CDH5: variants seen among roughly 807,000 people sequenced by gnomAD.
The protein encoded by CDH5 is cadherin-5.
A neutral mutation model predicts 62.0 loss-of-function variants in CDH5; 28 were observed. That is an observed-to-expected ratio of 0.45 (90% CI 0.33 to 0.62). CDH5 has a LOEUF of 0.62. Among genes scored for constraint, CDH5 ranks in the 20% least tolerant of loss-of-function variants. The pLI, the probability that CDH5 is intolerant of heterozygous loss-of-function variation, is 0.02. For missense variants in CDH5, 940 were observed against 1,065.1 expected (o/e 0.88, Z 1.63); for synonymous variants, 464 against 445.8 (o/e 1.04, Z -0.52).
chr16:66,387,101 C>T lies in CDH5; in HGVS notation c.499+4C>T, dbSNP rs187443582. On this transcript the variant is annotated splice_donor_region_variant and intron_variant, in intron 3 of 11. Transcript: ENST00000341529. ...GTGCCTGAGTCGTCGGCTGTGGGTACGTTGCATGCCCACTCTGTCCTCCTC... is the reference window on the plus strand; with the variant it reads ...GTGCCTGAGTCGTCGGCTGTGGGTATGTTGCATGCCCACTCTGTCCTCCTC... 76 of 1,606,494 alleles carry T rather than the reference C, an allele frequency of 4.7e-5. 1 individual carries two copies. Among genetic ancestry groups the T allele is most frequent in the African/African-American group, 3.2e-4 (24 of 74,946 alleles).
chr16:66,379,081 A>G, intron 1 of CDH5: 1 of 525,248 alleles, frequency 1.9e-6, no homozygotes, highest in South Asian at 3.0e-5. Flanking sequence ...AGGTACAAGG[A>G]AGTGTAGGGA....
chr16:66,385,219 T>A (rs1960963020), intron 2 of CDH5, among the ~76,000 whole-genome samples: 1 of 152,222 alleles, frequency 6.6e-6, no homozygotes, highest in Non-Finnish European at 1.5e-5. Context: ...TTCCTAATAT[T>A]TTCTGTTTCT....
In CDH5 at chr16:66,390,387, G is replaced by T; in HGVS notation, c.782-16G>T. 6.2e-7 allele frequency: 1 copy of T among 1,602,442 alleles called. No individual in the cohort carries two copies. The highest frequency in any genetic ancestry group is 8.5e-7 in the Non-Finnish European group (1 of 1,172,042). ...TCATTAACCCAAAGCCCTTTGGGGT[G>T]CTCTGTTTGCATCAGCCAAGTACAC... On this transcript the variant is annotated splice_polypyrimidine_tract_variant and intron_variant, in intron 5 of 11. Coordinates refer to ENST00000341529, the MANE Select transcript of CDH5 (RefSeq NM_001795.5).
chr16:66,403,604 C>A lies in CDH5; in HGVS notation c.*435C>A. ...TGCCTGGAGGCAAAGGCCTGGACAG[C>A]TTGACTTGTGGGGCAGGATTCTCTG... On this transcript the variant is annotated 3_prime_UTR_variant, in exon 12 of 12. Coordinates refer to ENST00000341529, the MANE Select transcript of CDH5 (RefSeq NM_001795.5). This position sits in a 1 kb window ranked among gnomAD's most constrained non-coding sequence, Gnocchi z 4.3. 1 of 191,166 alleles carries A rather than the reference C, an allele frequency of 5.2e-6. No individual in the cohort carries two copies. The highest frequency in any genetic ancestry group is 1.1e-5 in the Non-Finnish European group (1 of 91,370). 11.8% of individuals were successfully genotyped at this position (191,166 alleles called of 1,614,324 possible).
In CDH5 at chr16:66,386,991, G is replaced by T. The variant is rs916945461; in HGVS notation, c.393G>T (p.Leu131=). 1.9e-6 allele frequency: 3 copies of T among 1,613,994 alleles called. No homozygotes were observed. Among genetic ancestry groups the T allele is most frequent in the Non-Finnish European group, 2.5e-6 (3 of 1,180,008 alleles). The change falls in exon 3 of 12, where the codon CTG becomes CTT. Residue 131 remains leucine, a synonymous_variant. Transcript: ENST00000341529. ...TGGACAAGGACACTGGCGAAAACCTGGAGACTCCTTCCAGCTTCACCATCA... is the reference window on the plus strand; with the variant it reads ...TGGACAAGGACACTGGCGAAAACCTTGAGACTCCTTCCAGCTTCACCATCA... ...VIVDKDTGEN[L]ETPSSFTIKV...
rs747578177 is a variant in CDH5, at chr16:66,389,340, C to T, written c.617-18C>T. On this transcript the variant is annotated intron_variant, in intron 4 of 11. Transcript: ENST00000341529. Reference sequence around the variant, plus strand: ...CTAGAAGCTGGTAACATGGTTCCTGCTGGGAATCTTTTTGCAGGACGTATT... The same window carrying T: ...CTAGAAGCTGGTAACATGGTTCCTGTTGGGAATCTTTTTGCAGGACGTATT... The T allele has an allele frequency of 1.8e-5, 29 of 1,599,812 alleles. No homozygotes were observed. Among genetic ancestry groups the T allele is most frequent in the Non-Finnish European group, 2.4e-5 (28 of 1,169,854 alleles).
chr16:66,384,911 AGCCAAGATCGT>A (rs940895602), intron 2 of CDH5, among the ~76,000 whole-genome samples: 12 of 152,180 alleles, frequency 7.9e-5, no homozygotes, highest in Non-Finnish European at 1.3e-4. Context: ...GGTTGCAGTG[AGCCAAGATCGT>A]GCCACTGCAC....
intron 1 of CDH5, among the ~76,000 whole-genome samples, chr16:66,373,867 T>C (rs1342348184): frequency 1.3e-5 from 2 of 152,116 alleles, no homozygotes; most frequent in Non-Finnish European, 2.9e-5. Context: ...ATCTGTGAAA[T>C]GGGAATGATA....
At chr16:66,397,658 G>A (rs1961209616) in intron 8 of CDH5, among the ~76,000 whole-genome samples, 1 of 151,864 alleles carries the variant, frequency 6.6e-6, no homozygotes, top group Non-Finnish European at 1.5e-5. Context: ...ATTCTTTTAT[G>A]ATTAATTTAT....
intron 3 of CDH5, among the ~76,000 whole-genome samples, chr16:66,387,879 A>G (rs1341849209): frequency 1.3e-5 from 2 of 152,152 alleles, no homozygotes; most frequent in South Asian, 2.1e-4. Flanking sequence ...GGTGCCAGAA[A>G]AGAGCTTCCC....
At chr16:66,387,328 A>G (rs977459416) in intron 3 of CDH5, among the ~76,000 whole-genome samples, 1 of 152,252 alleles carries the variant, frequency 6.6e-6, no homozygotes, top group African/African-American at 2.4e-5. Context: ...CCTGATCCTA[A>G]TCATGGACTG....
intron 11 of CDH5, 101 bp from the exon 12 acceptor site, chr16:66,402,551 G>T: frequency 9.8e-7 from 1 of 1,020,874 alleles, no homozygotes; most frequent in Non-Finnish European, 1.4e-6. Flanking sequence ...TGCTGGGAGG[G>T]CGTGGGGGTG....
intron 1 of CDH5, among the ~76,000 whole-genome samples, chr16:66,378,672 C>T (rs553298098): frequency 1.3e-4 from 20 of 152,344 alleles, no homozygotes; most frequent in African/African-American, 4.8e-4. Context: ...CTCACACCCT[C>T]TTCCTGGAGA....
intron 1 of CDH5, 91 bp from the exon 2 acceptor site, chr16:66,379,228 A>G (rs979790721): frequency 5.7e-5 from 53 of 931,000 alleles, no homozygotes; most frequent in Non-Finnish European, 7.9e-5. Context: ...TTTTGGCATT[A>G]TATCTAGCTG....
rs774948104 is a variant in CDH5, at chr16:66,402,789, G to A, written c.1975G>A (p.Asp659Asn). 1.2e-6 allele frequency: 2 copies of A among 1,605,726 alleles called. No individual in the cohort carries two copies. The highest frequency in any genetic ancestry group is 1.7e-5 in the Admixed American group (1 of 58,928). The stretch of plus-strand genomic sequence containing the variant: ...CGGCGAGATGGACACCACCAGCTAC[G>A]ATGTGTCGGTGCTCAACTCGGTGCG... ...GGGEMDTTSY[D>N]VSVLNSVRRG... is the part of the protein sequence containing the mutation. Residue 659 changes from aspartate to asparagine, a missense_variant, in exon 12 of 12, where the codon GAT becomes AAT. Physicochemically the swap from Asp to Asn is conservative, Grantham distance 23. Transcript: ENST00000341529.
chr16:66,402,817 G>A lies in CDH5; in HGVS notation c.2003G>A (p.Arg668His), dbSNP rs201953108. Residue 668 changes from arginine to histidine, a missense_variant, in exon 12 of 12, where the codon CGC becomes CAC. Physicochemically the swap from Arg to His is conservative, Grantham distance 29. Transcript: ENST00000341529. ...GTGTCGGTGCTCAACTCGGTGCGCC[G>A]CGGCGGGGCCAAGCCCCCGCGGCCC... ...YDVSVLNSVRRGGAKPPRPAL... is the reference protein window; with the variant it reads ...YDVSVLNSVRHGGAKPPRPAL... 1,708 of 1,599,026 alleles carry A rather than the reference G, an allele frequency of 1.1e-3. 5 individuals carry two copies. Among genetic ancestry groups the A allele is most frequent in the South Asian group, 2.8e-3 (246 of 89,198 alleles).
chr16:66,380,765 A>G (rs1449200989), intron 2 of CDH5, among the ~76,000 whole-genome samples: 1 of 148,060 alleles, frequency 6.8e-6, no homozygotes, highest in Non-Finnish European at 1.5e-5. Context: ...GGTGGTTGTG[A>G]TAGTGGTTGT....
intron 2 of CDH5, among the ~76,000 whole-genome samples, chr16:66,385,287 T>C (rs1160903497): frequency 6.6e-6 from 1 of 152,252 alleles, no homozygotes; most frequent in Non-Finnish European, 1.5e-5. Flanking sequence ...AATTATTAGC[T>C]AGCATTTATA....
At position 66,390,560 on chromosome 16, in the gene CDH5, C is replaced by T; in HGVS notation, c.939C>T (p.Ala313=). 6.2e-7 allele frequency: 1 copy of T among 1,614,140 alleles called. No individual in the cohort carries two copies. The highest frequency in any genetic ancestry group is 8.5e-7 in the Non-Finnish European group (1 of 1,180,012). The change falls in exon 6 of 12, where the codon GCC becomes GCT. Residue 313 remains alanine (A), a synonymous_variant. Coordinates refer to ENST00000341529, the MANE Select transcript of CDH5 (RefSeq NM_001795.5). ...CTTTCACCATTGAGACAAACCCCGC[C>T]CACAACGAGGGCATCATCAAGCCCA... ...QDAFTIETNP[A]HNEGIIKPMK...
Sources: gnomAD v4.1 joint callset for allele counts (sites outside exome capture counted in the v4.1 genomes callset) on GRCh38, gnomAD v4.1.1 for gene constraint, Gnocchi (gnomAD v3.1) non-coding constraint, MANE v1.5 for transcripts, NCBI Gene and HGNC (gene_info 2026-07-23, HGNC 2026-07-21) for gene names.